Variants in CDH18 observed in about 807,000 individuals in gnomAD.
CDH18 encodes the protein cadherin-18.
A neutral mutation model predicts 67.9 loss-of-function variants in CDH18; 31 were observed. The observed-to-expected ratio is 0.46, with a 90% CI of 0.34 to 0.62. CDH18 has a LOEUF of 0.62. Among genes scored for constraint, CDH18 ranks in the 20% least tolerant of loss-of-function variants. The pLI is 0.01. For missense variants in CDH18, 890 were observed against 975.5 expected (o/e 0.91, Z 1.17); for synonymous variants, 362 against 347.2 (o/e 1.04, Z -0.48).
chr5:20,148,019 T>C (rs1750792872), intron 2 of CDH18, among the ~76,000 whole-genome samples: 1 of 152,120 alleles, frequency 6.6e-6, no homozygotes. Flanking sequence ...TTTAAATATA[T>C]ACTTTTTTAT....
In CDH18 at chr5:20,282,396, C is replaced by T. The variant is rs189091112; in HGVS notation, c.-579-26891G>A. On this transcript the variant is annotated intron_variant, in intron 1 of 14. Transcript: ENST00000507958. Reference sequence around the variant, plus strand: ...ATTTTGAGATACGTAACATCAATACCTAATTTCTTGAGAGTTTTTAGCATG... The same window carrying T: ...ATTTTGAGATACGTAACATCAATACTTAATTTCTTGAGAGTTTTTAGCATG... Among the ~76,000 whole-genome samples the T allele has an allele frequency of 3.0e-3, 452 of 152,142 alleles. 4 individuals carry two copies. Among genetic ancestry groups the T allele is most frequent in the African/African-American group, 0.01 (431 of 41,520 alleles).
chr5:19,596,277 C>T (rs1271065247), intron 6 of CDH18, among the ~76,000 whole-genome samples: 1 of 152,138 alleles, frequency 6.6e-6, no homozygotes, highest in East Asian at 1.9e-4. Context: ...ATGTGATTTG[C>T]ACTGGCCTTG....
intron 2 of CDH18, among the ~76,000 whole-genome samples, chr5:19,843,137 A>T (rs1042733250): frequency 4.6e-5 from 7 of 152,210 alleles, no homozygotes; most frequent in Non-Finnish European, 7.3e-5. Flanking sequence ...ATTCACCAAG[A>T]CAATGGAGAA....
At chr5:20,095,439 G>GA (rs1554089657) in intron 2 of CDH18, among the ~76,000 whole-genome samples, 3 of 117,712 alleles carry the variant, frequency 2.5e-5, no homozygotes, top group Non-Finnish European at 3.4e-5. Flanking sequence ...AAGAAAGAAA[G>GA]AAAGAAAAGA....
chr5:20,378,630 C>T (rs1175155654), intron 1 of CDH18, among the ~76,000 whole-genome samples: 1 of 151,984 alleles, frequency 6.6e-6, no homozygotes, highest in Non-Finnish European at 1.5e-5. Context: ...GATTTTAGTA[C>T]AAGTATGTAA....
chr5:20,381,119 G>T (rs538220916), intron 1 of CDH18, among the ~76,000 whole-genome samples: 1 of 152,240 alleles, frequency 6.6e-6, no homozygotes, highest in East Asian at 1.9e-4. Context: ...GGCCATGTGA[G>T]AACACAGTGA....
chr5:19,717,368 C>G (rs1385884141), intron 5 of CDH18, among the ~76,000 whole-genome samples: 2 of 151,378 alleles, frequency 1.3e-5, no homozygotes, highest in African/African-American at 4.8e-5. Flanking sequence ...ATTTTCATGT[C>G]CAGTTAAAAA....
rs551089221 is a variant in CDH18, at chr5:20,075,595, G to A, written c.-517-83581C>T. On this transcript the variant is annotated intron_variant, in intron 2 of 14. Transcript: ENST00000507958. ...ATGAGATAGGACCTAAGCATTTTACGTCAAAAAAGAAAATTAAAAAGTAAA... is the reference window on the plus strand; with the variant it reads ...ATGAGATAGGACCTAAGCATTTTACATCAAAAAAGAAAATTAAAAAGTAAA... Among the ~76,000 whole-genome samples, 11 of 152,060 alleles carry A rather than the reference G, an allele frequency of 7.2e-5. 1 individual carries two copies. The highest frequency in any genetic ancestry group is 5.9e-4 in the Admixed American group (9 of 15,264).
intron 2 of CDH18, among the ~76,000 whole-genome samples, chr5:20,165,358 G>A (rs1397726593): frequency 6.6e-6 from 1 of 151,972 alleles, no homozygotes; most frequent in African/African-American, 2.4e-5. Flanking sequence ...ATAGAGAAAT[G>A]ATTAAAGGAC....
chr5:20,224,697 T>G (rs1741476565), intron 2 of CDH18, among the ~76,000 whole-genome samples: 1 of 152,098 alleles, frequency 6.6e-6, no homozygotes, highest in Non-Finnish European at 1.5e-5. Context: ...GAACAAATAG[T>G]GTTTCTCTTT....
intron 2 of CDH18, among the ~76,000 whole-genome samples, chr5:19,997,137 G>T (rs895562845): frequency 1.3e-5 from 2 of 151,866 alleles, no homozygotes; most frequent in Non-Finnish European, 2.9e-5. Flanking sequence ...ATTTGAGGTA[G>T]GTTTTAAATA....
At position 19,793,223 on chromosome 5, in the gene CDH18, G is replaced by T. The variant is rs114943132; in HGVS notation, c.228+45536C>A. 8.6e-3 allele frequency among the ~76,000 whole-genome samples: 1,302 copies of T among 152,186 alleles called. 18 individuals are homozygous for T. The highest frequency in any genetic ancestry group is 0.029 in the African/African-American group (1,221 of 41,524). The stretch of plus-strand genomic sequence containing the variant: ...ATCTAAGTTCAGATAGTGATTCAGG[G>T]CTGTTATTTTTTTGGTAAAAATATT... On this transcript the variant is annotated intron_variant, in intron 3 of 12. Coordinates refer to ENST00000382275, the MANE Select transcript of CDH18 (RefSeq NM_004934.5).
At chr5:19,720,166 A>G (rs1765895767) in intron 5 of CDH18, among the ~76,000 whole-genome samples, 1 of 152,178 alleles carries the variant, frequency 6.6e-6, no homozygotes, top group Non-Finnish European at 1.5e-5. Context: ...TGTGCCTCAC[A>G]TAACACATTG....
intron 2 of CDH18, among the ~76,000 whole-genome samples, chr5:20,221,344 G>A (rs560864708): frequency 4.6e-5 from 7 of 152,102 alleles, no homozygotes; most frequent in Non-Finnish European, 1.0e-4. Flanking sequence ...ATTATGTTAA[G>A]TGAAATAAGC....
At chr5:19,920,802 G>A (rs867900016) in intron 2 of CDH18, among the ~76,000 whole-genome samples, 20 of 151,544 alleles carry the variant, frequency 1.3e-4, no homozygotes, top group African/African-American at 4.4e-4. Flanking sequence ...GTAAGCCACC[G>A]TGCCCGGCCC....
intron 2 of CDH18, among the ~76,000 whole-genome samples, chr5:20,146,697 A>C (rs1311040724): frequency 3.9e-5 from 6 of 152,002 alleles, no homozygotes; most frequent in African/African-American, 1.4e-4. Flanking sequence ...AAATATTATC[A>C]AGTTGTAATA....
chr5:19,508,865 C>CTTTTTTTTTT (rs35438564), intron 10 of CDH18, among the ~76,000 whole-genome samples: 3 of 127,608 alleles, frequency 2.4e-5, no homozygotes, highest in Non-Finnish European at 3.3e-5. Flanking sequence ...TCTTTCTTTT[C>CTTTTTTTTTT]TTTTTTTTTT....
In CDH18 at chr5:19,472,465, C is replaced by T. The variant is rs956738348; in HGVS notation, c.*761G>A. Among the ~76,000 whole-genome samples the T allele has an allele frequency of 1.3e-5, 2 of 151,948 alleles. No individual in the cohort carries two copies. Among genetic ancestry groups the T allele is most frequent in the African/African-American group, 4.8e-5 (2 of 41,352 alleles). Reference sequence around the variant, plus strand: ...TGACATATCAGATTTTCATAACATACCTTAAACTATTCTTTCTGTCCATTT... The same window carrying T: ...TGACATATCAGATTTTCATAACATATCTTAAACTATTCTTTCTGTCCATTT... On this transcript the variant is annotated 3_prime_UTR_variant, in exon 13 of 13. Coordinates refer to ENST00000382275, the MANE Select transcript of CDH18 (RefSeq NM_004934.5).
chr5:20,048,939 C>A (rs1481020481), intron 2 of CDH18, among the ~76,000 whole-genome samples: 5 of 151,520 alleles, frequency 3.3e-5, no homozygotes, highest in Admixed American at 2.0e-4. Flanking sequence ...ATATTTCCTG[C>A]AAATCTGCAT....
Sources: allele counts gnomAD v4.1 joint callset (sites outside exome capture counted in the v4.1 genomes callset), GRCh38; gene constraint gnomAD v4.1.1; transcripts MANE v1.5; gene names NCBI Gene and HGNC (gene_info 2026-07-23, HGNC 2026-07-21).